The following BDNF variants were observed in gnomAD, a reference collection of about 807,000 sequenced individuals.
The protein encoded by BDNF is brain derived neurotrophic factor, also known as neurotrophic factor BDNF precursor form.
Under a neutral mutation model 19.5 loss-of-function variants are expected in BDNF, and 1 was observed. The observed-to-expected ratio is 0.05, with a 90% CI of 0.02 to 0.24. The LOEUF (loss-of-function observed/expected upper bound fraction) is 0.24. BDNF is among the 10% of genes least tolerant of loss of function. The probability of loss-of-function intolerance (pLI) is 1.00; values close to 1 mark genes in which losing one functional copy is unlikely to be tolerated. For missense variants in BDNF, 195 were observed against 317.6 expected, an observed-to-expected ratio of 0.61 and a Z score of 2.93; for synonymous variants, 100 against 121.6, an observed-to-expected ratio of 0.82 and a Z score of 1.17.
chr11:27,719,233 C>A (rs1198161270), intron 1 of BDNF, among the ~76,000 whole-genome samples: 1 of 152,188 alleles, frequency 6.6e-6, no homozygotes, highest in Non-Finnish European at 1.5e-5. Context: ...CACCGCCAGT[C>A]CCCTGCCCAC....
At chr11:27,701,716 G>A, upstream of BDNF, 1 of 634,144 alleles carries the variant, frequency 1.6e-6, no homozygotes, top group Non-Finnish European at 2.0e-6. Context: ...ACACTCTAGT[G>A]CACGAATTAC....
chr11:27,674,621 T>C (rs1000961188), intron 1 of BDNF: 2 of 985,212 alleles, frequency 2.0e-6, no homozygotes, highest in African/African-American at 1.7e-5. Context: ...CCAGAAAATA[T>C]CTGCATCATT....
intron 1 of BDNF, among the ~76,000 whole-genome samples, chr11:27,706,324 C>T (rs1860109944): frequency 1.3e-5 from 2 of 152,206 alleles, no homozygotes; most frequent in Non-Finnish European, 2.9e-5. Context: ...TCTCATCTTT[C>T]TCACTATTTA....
At chr11:27,715,886 T>C (rs1481729162) in intron 1 of BDNF, among the ~76,000 whole-genome samples, 1 of 152,190 alleles carries the variant, frequency 6.6e-6, no homozygotes, top group African/African-American at 2.4e-5. Flanking sequence ...ACTATATGAA[T>C]CTAAAGTGTT....
At chr11:27,709,757 C>T (rs945907282) in intron 1 of BDNF, among the ~76,000 whole-genome samples, 1 of 151,996 alleles carries the variant, frequency 6.6e-6, no homozygotes, top group Non-Finnish European at 1.5e-5. Flanking sequence ...AGAGATCTAC[C>T]ACTGTGCACC....
Position 27,658,674 on chromosome 11 carries a change from G to A in BDNF, c.-21-89C>T, listed in dbSNP as rs1184912391. On this transcript the variant is annotated intron_variant, in intron 1 of 1. Transcript: ENST00000356660. The surrounding 1 kb of genome is among the most constrained non-coding windows in gnomAD (Gnocchi z 5.7). Reference sequence around the variant, plus strand: ...TGTGGCCCATCTGATTGTAATTCCAGGCCATTCTGCAGGGTCAAGGTTTTT... The same window carrying A: ...TGTGGCCCATCTGATTGTAATTCCAAGCCATTCTGCAGGGTCAAGGTTTTT... The A allele has an allele frequency of 6.2e-7, 1 of 1,610,676 alleles. No individual in the cohort carries two copies. Among genetic ancestry groups the A allele is most frequent in the Non-Finnish European group, 8.5e-7 (1 of 1,178,828 alleles).
At chr11:27,659,701 G>A (rs979231256) in intron 1 of BDNF, 6 of 994,510 alleles carry the variant, frequency 6.0e-6, no homozygotes, top group East Asian at 1.1e-4. Context: ...AAAAAGCTGA[G>A]TGGTGTTTTA....
chr11:27,712,927 C>CTTTTTTTTTTTT (rs112937534), intron 1 of BDNF, among the ~76,000 whole-genome samples: 2 of 117,276 alleles, frequency 1.7e-5, no homozygotes, highest in African/African-American at 3.2e-5. Context: ...TTCTTTCTTT[C>CTTTTTTTTTTTT]TTTTTTTTTT....
intron 1 of BDNF, among the ~76,000 whole-genome samples, chr11:27,679,961 T>G (rs1163248223): frequency 1.3e-5 from 2 of 152,266 alleles, no homozygotes; most frequent in Non-Finnish European, 2.9e-5. Flanking sequence ...TTTTTGCCTC[T>G]GCTTTCTCCA....
chr11:27,709,870 G>A (rs1247047711), intron 1 of BDNF, among the ~76,000 whole-genome samples: 2 of 152,196 alleles, frequency 1.3e-5, no homozygotes, highest in Non-Finnish European at 2.9e-5. Flanking sequence ...GATGATTTAG[G>A]TGATTTCAAT....
Position 27,656,422 on chromosome 11 carries a change from C to T in BDNF, c.*1399G>A, listed in dbSNP as rs983082916. The T allele has an allele frequency of 3.6e-6, 2 of 555,460 alleles. No homozygotes were observed. The highest frequency in any genetic ancestry group is 4.6e-6 in the Non-Finnish European group (2 of 437,258). 34.4% of individuals were successfully genotyped at this position (555,460 alleles called of 1,614,324 possible). A position where few individuals can be genotyped will look rare whatever the true frequency, so the allele number is the denominator to read the frequency against. Reference sequence around the variant, plus strand: ...TTAGATAATGTAGGCACTTAAAGCACGAGGTCCAAGCAGCTTGACACATGT... The same window carrying T: ...TTAGATAATGTAGGCACTTAAAGCATGAGGTCCAAGCAGCTTGACACATGT... On this transcript the variant is annotated 3_prime_UTR_variant, in exon 2 of 2. Transcript: ENST00000356660.
intron 1 of BDNF, among the ~76,000 whole-genome samples, chr11:27,716,876 T>A (rs1860534483): frequency 6.6e-6 from 1 of 152,216 alleles, no homozygotes; most frequent in African/African-American, 2.4e-5. Context: ...AGTTTGAGCC[T>A]GGTCCCAAAA....
chr11:27,698,102 T>C (rs959547299), intron 1 of BDNF: 3 of 152,024 alleles, frequency 2.0e-5, no homozygotes, highest in African/African-American at 7.2e-5. Context: ...AACGACTTTA[T>C]GGCCCTGGAA....
intron 1 of BDNF, among the ~76,000 whole-genome samples, chr11:27,692,214 G>A (rs1858389203): frequency 6.6e-6 from 1 of 152,130 alleles, no homozygotes; most frequent in Non-Finnish European, 1.5e-5. Flanking sequence ...TAAATAAGGA[G>A]CAGACTTATG....
upstream of BDNF, among the ~76,000 whole-genome samples, chr11:27,705,397 A>G (rs989493916): frequency 6.6e-6 from 1 of 152,240 alleles, no homozygotes; most frequent in African/African-American, 2.4e-5. Flanking sequence ...TCACCTATTT[A>G]GGCTGTGTGA....
intron 1 of BDNF, among the ~76,000 whole-genome samples, chr11:27,693,021 C>G (rs1384944388): frequency 6.6e-6 from 1 of 152,190 alleles, no homozygotes; most frequent in Non-Finnish European, 1.5e-5. Flanking sequence ...CTAAGTCATG[C>G]ATTCCAAGTC....
chr11:27,712,519 AT>A (rs35699873), intron 1 of BDNF, among the ~76,000 whole-genome samples: 58,761 of 144,356 alleles, frequency 0.41, 12,333 homozygotes, highest in South Asian at 0.61. Flanking sequence ...TTCACTTAGA[AT>A]TTTTTTTTTT....
At chr11:27,662,202 T>G (rs1853568232) in intron 1 of BDNF, among the ~76,000 whole-genome samples, 1 of 152,210 alleles carries the variant, frequency 6.6e-6, no homozygotes, top group Admixed American at 6.5e-5. Context: ...GGTTTCACCA[T>G]GTTGGCCGAG....
exon 1 of BDNF, chr11:27,721,786 T>G (rs190636660): frequency 3.3e-6 from 1 of 301,190 alleles, no homozygotes; most frequent in East Asian, 7.1e-5. Flanking sequence ...TTCCTAGGGC[T>G]GCCTTCTAAC....
Sources: allele counts gnomAD v4.1 joint callset (sites outside exome capture counted in the v4.1 genomes callset), GRCh38; gene constraint gnomAD v4.1.1; non-coding constraint Gnocchi (gnomAD v3.1); transcripts MANE v1.5; gene names NCBI Gene and HGNC (gene_info 2026-07-23, HGNC 2026-07-21).